Variants in STXBP5L observed in about 807,000 individuals in gnomAD.
The protein encoded by STXBP5L is syntaxin-binding protein 5-like.
Under a neutral mutation model 144.5 loss-of-function variants are expected in STXBP5L, and 65 were observed. That is an observed-to-expected ratio of 0.45 (90% CI 0.37 to 0.55). The LOEUF (loss-of-function observed/expected upper bound fraction) is 0.55, where lower values mean the gene tolerates loss of function less well. STXBP5L is among the 20% of genes least tolerant of loss of function. The pLI, the probability that STXBP5L is intolerant of heterozygous loss-of-function variation, is 0.00. For synonymous variants in STXBP5L, 505 were observed against 469.6 expected, an observed-to-expected ratio of 1.08 and a Z score of -0.97; for missense variants, 1,298 against 1,405.5, an observed-to-expected ratio of 0.92 and a Z score of 1.22.
intron 5 of STXBP5L, among the ~76,000 whole-genome samples, chr3:121,073,030 G>A (rs927622355): frequency 6.6e-6 from 1 of 152,180 alleles, no homozygotes; most frequent in Non-Finnish European, 1.5e-5. Context: ...GCGGGCTTCG[G>A]CTACTGAATT....
At chr3:121,021,686 A>C (rs777686528) in intron 3 of STXBP5L, among the ~76,000 whole-genome samples, 7 of 152,228 alleles carry the variant, frequency 4.6e-5, no homozygotes, top group Non-Finnish European at 8.8e-5. Context: ...CAATGAAATC[A>C]AGAGGAAAAT....
At chr3:121,019,653 G>C (rs1945403229) in intron 3 of STXBP5L, among the ~76,000 whole-genome samples, 1 of 152,172 alleles carries the variant, frequency 6.6e-6, no homozygotes, top group African/African-American at 2.4e-5. Flanking sequence ...TCCACTAGGT[G>C]ATTAGATCTG....
intron 3 of STXBP5L, among the ~76,000 whole-genome samples, chr3:120,975,462 C>G (rs1455233080): frequency 6.6e-6 from 1 of 152,288 alleles, no homozygotes; most frequent in Non-Finnish European, 1.5e-5. Flanking sequence ...ATGGGGTTTT[C>G]TAGATAACAA....
chr3:120,958,917 G>A (rs1034950933), intron 3 of STXBP5L, among the ~76,000 whole-genome samples: 6 of 152,100 alleles, frequency 3.9e-5, no homozygotes, highest in African/African-American at 1.4e-4. Context: ...CAATTAGGCA[G>A]GAGAAGGAAA....
At chr3:121,006,989 C>A (rs1008265504) in intron 3 of STXBP5L, among the ~76,000 whole-genome samples, 1 of 152,044 alleles carries the variant, frequency 6.6e-6, no homozygotes, top group Non-Finnish European at 1.5e-5. Flanking sequence ...AACATTTTTT[C>A]CTTCATTTCA....
At chr3:121,337,623 A>C (rs2044555865) in intron 20 of STXBP5L, among the ~76,000 whole-genome samples, 1 of 152,048 alleles carries the variant, frequency 6.6e-6, no homozygotes, top group Non-Finnish European at 1.5e-5. Flanking sequence ...GGGACTCAAC[A>C]CTCCGCTGAC....
chr3:121,333,326 A>G (rs1375765449), intron 20 of STXBP5L, among the ~76,000 whole-genome samples: 1 of 152,196 alleles, frequency 6.6e-6, no homozygotes, highest in African/African-American at 2.4e-5. Context: ...TTTGAAACAA[A>G]TGAAAACAAA....
At position 121,421,928 on chromosome 3, in the gene STXBP5L, A is replaced by T. The variant is rs1422930736; in HGVS notation, c.*2831A>T. 1 of 152,200 alleles carries T rather than the reference A, an allele frequency of 6.6e-6. No homozygotes were observed. Among genetic ancestry groups the T allele is most frequent in the Non-Finnish European group, 1.5e-5 (1 of 68,026 alleles). The allele number at this position is 152,200 out of a possible 1,614,324, so 9.4% of individuals were successfully genotyped here. On this transcript the variant is annotated 3_prime_UTR_variant, in exon 27 of 27. Transcript: ENST00000471454. ...GCTTTTATAAGCCCTTCCTTAACGT[A>T]AGGGTAACTTCATCTCACAAACTCC...
intron 9 of STXBP5L, among the ~76,000 whole-genome samples, chr3:121,197,511 A>G (rs2047967740): frequency 2.0e-5 from 3 of 151,894 alleles, no homozygotes. Flanking sequence ...ATTTACTTTA[A>G]GTTCTGGGAT....
intron 5 of STXBP5L, among the ~76,000 whole-genome samples, chr3:121,062,818 G>A (rs1560078465): frequency 6.6e-6 from 1 of 152,032 alleles, no homozygotes; most frequent in Non-Finnish European, 1.5e-5. Context: ...ACTTGTATAT[G>A]CTTCACAAAG....
At chr3:121,176,763 G>A (rs1818659) in intron 9 of STXBP5L, among the ~76,000 whole-genome samples, 6 of 151,460 alleles carry the variant, frequency 4.0e-5, no homozygotes, top group Non-Finnish European at 5.9e-5. Flanking sequence ...CTGAGAAAAG[G>A]CATGAGAACA....
At chr3:121,018,406 A>G (rs1361857957) in intron 3 of STXBP5L, among the ~76,000 whole-genome samples, 1 of 152,188 alleles carries the variant, frequency 6.6e-6, no homozygotes. Context: ...GGTAACACCA[A>G]AATAGATCTG....
chr3:120,963,212 C>T (rs1263771957), intron 3 of STXBP5L, among the ~76,000 whole-genome samples: 1 of 152,150 alleles, frequency 6.6e-6, no homozygotes, highest in Admixed American at 6.5e-5. Context: ...ACAATCATGT[C>T]ATCTGCAAAC....
chr3:121,357,828 C>T (rs1265980958), intron 20 of STXBP5L: 1 of 152,180 alleles, frequency 6.6e-6, no homozygotes, highest in Non-Finnish European at 1.5e-5. Flanking sequence ...CCATGGAACA[C>T]TTCCACACGC....
intron 5 of STXBP5L, among the ~76,000 whole-genome samples, chr3:121,080,704 C>G (rs2042214840): frequency 2.6e-5 from 4 of 152,316 alleles, no homozygotes; most frequent in African/African-American, 9.6e-5. Flanking sequence ...GCTGACAAAT[C>G]TGCTGTTAAC....
intron 7 of STXBP5L, among the ~76,000 whole-genome samples, chr3:121,139,221 C>T (rs977559638): frequency 6.6e-6 from 1 of 151,778 alleles, no homozygotes; most frequent in Non-Finnish European, 1.5e-5. Context: ...TTTATAAAAG[C>T]TGAAGGAGAA....
intron 6 of STXBP5L, among the ~76,000 whole-genome samples, chr3:121,121,353 G>A (rs73189342): frequency 0.035 from 5,357 of 151,160 alleles, 144 homozygotes; most frequent in Middle Eastern, 0.082. Flanking sequence ...AAATTCAGAG[G>A]CGCTTATCTG....
Position 121,305,650 on chromosome 3 carries a change from A to C in STXBP5L, c.2111-12825A>C, listed in dbSNP as rs2108501478. Among the ~76,000 whole-genome samples the C allele has an allele frequency of 1.3e-5, 2 of 152,300 alleles. 1 individual carries two copies. Among genetic ancestry groups the C allele is most frequent in the East Asian group, 3.9e-4 (2 of 5,192 alleles). On this transcript the variant is annotated intron_variant, in intron 19 of 26. Coordinates refer to ENST00000471454, the MANE Select transcript of STXBP5L (RefSeq NM_001308330.2). ...AACAAGAATAGAAGAATATTTCCTC[A>C]ATAGAATAAACCGTACTAAGAAAAA... is the stretch of plus-strand genomic sequence containing the variant.
At position 121,363,106 on chromosome 3, in the gene STXBP5L, T is replaced by A. The variant is rs192466659; in HGVS notation, c.2177-15610T>A. Reference sequence around the variant, plus strand: ...TCCTGATGTGACTGAATTGGTATCCTAGATGCAAGACAAAGTCCTCTCCAC... The same window carrying A: ...TCCTGATGTGACTGAATTGGTATCCAAGATGCAAGACAAAGTCCTCTCCAC... On this transcript the variant is annotated intron_variant, in intron 20 of 26. Coordinates refer to ENST00000471454, the MANE Select transcript of STXBP5L (RefSeq NM_001308330.2). 2.6e-4 allele frequency among the ~76,000 whole-genome samples: 40 copies of A among 152,226 alleles called. No homozygotes were observed. The East Asian group carries it at 5.8e-3, about 22-fold the overall frequency.
Sources: allele counts gnomAD v4.1 joint callset (sites outside exome capture counted in the v4.1 genomes callset), GRCh38; gene constraint gnomAD v4.1.1; transcripts MANE v1.5; gene names NCBI Gene and HGNC (gene_info 2026-07-23, HGNC 2026-07-21).